MYH16: variants seen among roughly 807,000 people sequenced by gnomAD.
The protein encoded by MYH16 is putative uncharacterized protein MYH16.
chr7:99,304,939 A>C (rs1302924347), intron 40 of MYH16, among the ~76,000 whole-genome samples, 183 bp downstream of exon 21: 1 of 152,108 alleles, frequency 6.6e-6, no homozygotes, highest in Non-Finnish European at 1.5e-5. Flanking sequence ...TAATCCTAAT[A>C]CTTTAGGAGG....
intron 21 of MYH16, among the ~76,000 whole-genome samples, chr7:99,279,298 G>A (rs1226428541): frequency 6.7e-6 from 1 of 148,318 alleles, no homozygotes; most frequent in Non-Finnish European, 1.5e-5. Context: ...GGTCTAGACT[G>A]CAGTGAGCTG....
At chr7:99,277,489 C>G (rs920149209) in intron 20 of MYH16, 50 bp from the exon 3 acceptor site, 1 of 433,958 alleles carries the variant, frequency 2.3e-6, no homozygotes, top group Non-Finnish European at 4.7e-6. Flanking sequence ...CCGTCTACCC[C>G]CCAGCAAACC....
At chr7:99,256,702 G>A (rs1791876827) in intron 9 of MYH16, among the ~76,000 whole-genome samples, 1 of 152,230 alleles carries the variant, frequency 6.6e-6, no homozygotes, top group Non-Finnish European at 1.5e-5. Flanking sequence ...TTGAACCCAA[G>A]AGGTGGAGGT....
intron 13 of MYH16, among the ~76,000 whole-genome samples, chr7:99,263,053 C>A (rs1791952733): frequency 6.6e-6 from 1 of 152,032 alleles, no homozygotes. Context: ...GCAGGGGAGT[C>A]TGGGTTTATG....
chr7:99,303,977 C>T (rs1007448633), intron 39 of MYH16, among the ~76,000 whole-genome samples: 2 of 152,114 alleles, frequency 1.3e-5, no homozygotes, highest in Non-Finnish European at 2.9e-5. Context: ...AGTATCCCTT[C>T]GGGTGTTCAC....
At chr7:99,239,724 A>G (rs1332707564) in intron 1 of MYH16, among the ~76,000 whole-genome samples, 1 of 152,222 alleles carries the variant, frequency 6.6e-6, no homozygotes, top group Non-Finnish European at 1.5e-5. Flanking sequence ...AACCTTGGGT[A>G]GCTTGCTATC....
Position 99,284,786 on chromosome 7 carries a change from G to A in MYH16, n.3226-59G>A, listed in dbSNP as rs114581232. ...CTGGCAGCCCAGGCGACATTCCCTC[G>A]CCAGCTTGCTGGTCTACCCTCAGAG... is the stretch of plus-strand genomic sequence containing the variant. On this transcript the variant is annotated intron_variant and non_coding_transcript_variant, in intron 25 of 41. Coordinates refer to ENST00000439784, the Ensembl canonical transcript of MYH16. The A allele has an allele frequency of 2.4e-3, 1,072 of 453,240 alleles. 3 individuals carry two copies. The highest frequency in any genetic ancestry group is 0.018 in the African/African-American group (901 of 50,114). The allele number at this position is 453,240 out of a possible 1,614,324, so 28.1% of individuals were successfully genotyped here.
intron 27 of MYH16, 53 bp downstream of exon 9, chr7:99,285,491 A>G (rs66758384): frequency 0.086 from 39,424 of 455,784 alleles, 2,525 homozygotes; most frequent in African/African-American, 0.24. Context: ...CGGCAGTCAC[A>G]CATCCAACCA....
chr7:99,279,366 A>AG, intron 21 of MYH16, 144 bp from the exon 4 acceptor site: 5 of 346,064 alleles, frequency 1.4e-5, no homozygotes, highest in South Asian at 1.2e-4. Flanking sequence ...CTCAAAAAAA[A>AG]AAAAAAAAAA....
chr7:99,290,518 A>G (rs1792355879), intron 30 of MYH16, among the ~76,000 whole-genome samples: 1 of 138,972 alleles, frequency 7.2e-6, no homozygotes, highest in South Asian at 2.3e-4. Context: ...ATCAATATCC[A>G]GCCGTGTGCA....
intron 2 of MYH16, among the ~76,000 whole-genome samples, chr7:99,245,677 G>C (rs1232121311): frequency 6.6e-6 from 1 of 152,038 alleles, no homozygotes; most frequent in Non-Finnish European, 1.5e-5. Context: ...ACAAACTTGC[G>C]CTACCACGCC....
At chr7:99,283,059 C>A (rs1792224159) in intron 23 of MYH16, among the ~76,000 whole-genome samples, 3 of 152,122 alleles carry the variant, frequency 2.0e-5, no homozygotes, top group African/African-American at 7.2e-5. Flanking sequence ...AGAGGAACCT[C>A]CAATCACTGT....
chr7:99,270,209 T>C (rs1194980812), intron 18 of MYH16, among the ~76,000 whole-genome samples: 2 of 151,880 alleles, frequency 1.3e-5, no homozygotes, highest in African/African-American at 4.8e-5. Flanking sequence ...TGGTGGCTCA[T>C]GCCTATAATT....
In MYH16 at chr7:99,272,234, T is replaced by C. The variant is rs1792055756; in HGVS notation, n.2404-1108T>C. ...ATAGTTTCAAGTCATGTCACAGCCT[T>C]CCTCTTACTTGATTCACATAATGAT... On this transcript the variant is annotated intron_variant and non_coding_transcript_variant, in intron 19 of 41. Transcript: ENST00000439784. Among the ~76,000 whole-genome samples the C allele has an allele frequency of 2.6e-5, 4 of 152,158 alleles. No individual in the cohort carries two copies. In the South Asian group the frequency reaches 8.3e-4, roughly 32 times the overall value.
At chr7:99,285,694 GGAAGAA>G (rs1175881355) in intron 27 of MYH16, among the ~76,000 whole-genome samples, 1 of 152,200 alleles carries the variant, frequency 6.6e-6, no homozygotes, top group African/African-American at 2.4e-5. Flanking sequence ...AGACAGATGG[GGAAGAA>G]ACACTTGACC....
At chr7:99,294,757 G>A (rs1402234027) in intron 33 of MYH16, among the ~76,000 whole-genome samples, 1 of 151,790 alleles carries the variant, frequency 6.6e-6, no homozygotes, top group Non-Finnish European at 1.5e-5. Flanking sequence ...GTAAAGACAG[G>A]GTTTCATCAT....
exon 34 of MYH16, chr7:99,296,882 T>C (rs1444944197): frequency 8.7e-6 from 4 of 457,368 alleles, no homozygotes; most frequent in Non-Finnish European, 1.8e-5. Flanking sequence ...CTGGAGCATC[T>C]AGAGTCCGTG....
downstream of MYH16, among the ~76,000 whole-genome samples, chr7:99,307,093 G>A (rs926256140): frequency 1.3e-5 from 2 of 152,156 alleles, no homozygotes; most frequent in African/African-American, 4.8e-5. Flanking sequence ...CCGACCTGAT[G>A]TTCCCCCATC....
chr7:99,271,283 C>T lies in MYH16; in HGVS notation n.2403+190C>T, dbSNP rs566217872. On this transcript the variant is annotated intron_variant and non_coding_transcript_variant, in intron 19 of 41. Transcript: ENST00000439784. ...CAGCACTTTGGGAGGCTGAGGCGGG[C>T]GGATTGCCTGAGGTCGGGAGTTCAA... Among the ~76,000 whole-genome samples the T allele has an allele frequency of 5.9e-5, 9 of 152,180 alleles. No individual in the cohort carries two copies. In the South Asian group the frequency reaches 1.0e-3, roughly 18 times the overall value.
Sources: gnomAD v4.1 joint callset for allele counts (sites outside exome capture counted in the v4.1 genomes callset) on GRCh38, gnomAD v4.1.1 for gene constraint, MANE v1.5 for transcripts, NCBI Gene and HGNC (gene_info 2026-07-23, HGNC 2026-07-21) for gene names.